PDZRN4: variants seen among roughly 807,000 people sequenced by gnomAD.
PDZRN4 encodes PDZ domain-containing RING finger protein 4.
PDZRN4 carries 70 observed loss-of-function variants against 99.0 expected under a neutral mutation model. The observed-to-expected ratio is 0.71, with a 90% CI of 0.58 to 0.86. The LOEUF (loss-of-function observed/expected upper bound fraction) is 0.86. PDZRN4 is among the 40% of genes least tolerant of loss of function. The probability of loss-of-function intolerance (pLI) is 0.00; values close to 1 mark genes in which losing one functional copy is unlikely to be tolerated. For synonymous variants in PDZRN4, 551 were observed against 501.6 expected, an observed-to-expected ratio of 1.10 and a Z score of -1.32; for missense variants, 1,474 against 1,331.2, an observed-to-expected ratio of 1.11 and a Z score of -1.67.
At chr12:41,502,328 TAC>T (rs1205575924) in intron 3 of PDZRN4, among the ~76,000 whole-genome samples, 1 of 152,142 alleles carries the variant, frequency 6.6e-6, no homozygotes, top group Non-Finnish European at 1.5e-5. Context: ...TTATTGCATA[TAC>T]TACTCCTGTT....
At chr12:41,322,521 C>T (rs1270574856) in intron 3 of PDZRN4, among the ~76,000 whole-genome samples, 2 of 104,876 alleles carry the variant, frequency 1.9e-5, no homozygotes, top group Non-Finnish European at 3.5e-5. Context: ...GACAGAGTCT[C>T]ACTCTGTCAC....
rs1368570935 is a variant in PDZRN4, at chr12:41,254,824, G to A, written c.843+60636G>A. 2.0e-5 allele frequency among the ~76,000 whole-genome samples: 3 copies of A among 152,210 alleles called. No individual in the cohort carries two copies. The East Asian group carries it at 5.8e-4, about 29-fold the overall frequency. ...GAGGTTGCTCTGGCCAGGCACAGTA[G>A]CTCATGCCTGTAATTCCAACATTTT... On this transcript the variant is annotated intron_variant, in intron 3 of 9. Transcript: ENST00000402685.
chr12:41,292,379 G>A (rs1592000069), intron 3 of PDZRN4, among the ~76,000 whole-genome samples: 1 of 152,160 alleles, frequency 6.6e-6, no homozygotes, highest in East Asian at 1.9e-4. Context: ...TGTGCAGGAA[G>A]TGCAGACCAA....
intron 3 of PDZRN4, among the ~76,000 whole-genome samples, chr12:41,361,923 G>A (rs916074514): frequency 6.6e-5 from 10 of 152,038 alleles, no homozygotes; most frequent in South Asian, 2.1e-4. Context: ...GGGCTGACTC[G>A]CGTCGCACCA....
chr12:41,376,122 A>G (rs1783797457), intron 3 of PDZRN4, among the ~76,000 whole-genome samples: 1 of 152,112 alleles, frequency 6.6e-6, no homozygotes, highest in East Asian at 1.9e-4. Context: ...GTGTGTATGT[A>G]TGTCTGTGTA....
At chr12:41,392,296 A>T (rs1027242212) in intron 3 of PDZRN4, among the ~76,000 whole-genome samples, 4 of 152,136 alleles carry the variant, frequency 2.6e-5, no homozygotes, top group African/African-American at 9.7e-5. Flanking sequence ...ACTGGGACTC[A>T]GTGTACATAC....
chr12:41,213,914 T>C (rs943298476), intron 3 of PDZRN4, among the ~76,000 whole-genome samples: 3 of 152,016 alleles, frequency 2.0e-5, no homozygotes, highest in African/African-American at 7.2e-5. Context: ...CTCTATGTCC[T>C]AATCCCTAAA....
At chr12:41,425,264 T>G (rs1952525687) in intron 3 of PDZRN4, among the ~76,000 whole-genome samples, 1 of 151,538 alleles carries the variant, frequency 6.6e-6, no homozygotes, top group African/African-American at 2.4e-5. Flanking sequence ...AAAATAAAGT[T>G]AACTTTCTAA....
At chr12:41,291,547 C>T (rs1035465179) in intron 3 of PDZRN4, among the ~76,000 whole-genome samples, 1 of 152,112 alleles carries the variant, frequency 6.6e-6, no homozygotes, top group Non-Finnish European at 1.5e-5. Flanking sequence ...TCTTTATTTA[C>T]ATGTCATAAA....
intron 2 of PDZRN4, 127 bp downstream of exon 2, chr12:41,191,671 G>A: frequency 2.0e-6 from 1 of 507,736 alleles, no homozygotes; most frequent in Non-Finnish European, 3.4e-6. Flanking sequence ...AAAACAAGTG[G>A]TTTAATCTTT....
At chr12:41,270,088 T>C (rs912111561) in intron 3 of PDZRN4, among the ~76,000 whole-genome samples, 2 of 152,200 alleles carry the variant, frequency 1.3e-5, no homozygotes, top group Admixed American at 6.5e-5. Context: ...TTGACTTTAA[T>C]TTCACGTTTG....
chr12:41,525,684 G>A (rs1232680694), intron 5 of PDZRN4, among the ~76,000 whole-genome samples: 2 of 151,916 alleles, frequency 1.3e-5, no homozygotes, highest in African/African-American at 2.4e-5. Flanking sequence ...ACCTATAGTA[G>A]AGAATATTTA....
chr12:41,214,654 A>G (rs1272282769), intron 3 of PDZRN4, among the ~76,000 whole-genome samples: 1 of 151,944 alleles, frequency 6.6e-6, no homozygotes, highest in Non-Finnish European at 1.5e-5. Flanking sequence ...AATTACAACT[A>G]CATTTATGAA....
intron 3 of PDZRN4, among the ~76,000 whole-genome samples, chr12:41,417,659 G>A (rs1254332479): frequency 6.6e-6 from 1 of 152,144 alleles, no homozygotes; most frequent in Non-Finnish European, 1.5e-5. Context: ...ATAGAGAGGA[G>A]GCACTTGATT....
chr12:41,511,683 A>T (rs770264474), intron 5 of PDZRN4, among the ~76,000 whole-genome samples: 5 of 152,160 alleles, frequency 3.3e-5, no homozygotes, highest in African/African-American at 4.8e-5. Context: ...GATTCAAGAG[A>T]GAATAATGGT....
At chr12:41,541,065 C>G (rs894055509) in intron 5 of PDZRN4, among the ~76,000 whole-genome samples, 1 of 152,032 alleles carries the variant, frequency 6.6e-6, no homozygotes, top group Admixed American at 6.6e-5. Flanking sequence ...GCTGGGACTA[C>G]AGGCACCCAC....
intron 3 of PDZRN4, among the ~76,000 whole-genome samples, chr12:41,493,487 G>A (rs551878248): frequency 2.0e-5 from 3 of 152,254 alleles, no homozygotes; most frequent in African/African-American, 7.2e-5. Flanking sequence ...ATTTGGTGGA[G>A]ATGCATCCAC....
intron 5 of PDZRN4, among the ~76,000 whole-genome samples, chr12:41,545,135 A>G (rs746602689): frequency 2.0e-5 from 3 of 152,174 alleles, no homozygotes; most frequent in Admixed American, 6.5e-5. Context: ...TATTTCTTTT[A>G]TAATAGCCCC....
At chr12:41,481,450 C>T (rs980811259) in intron 3 of PDZRN4, among the ~76,000 whole-genome samples, 19 of 152,098 alleles carry the variant, frequency 1.2e-4, no homozygotes, top group African/African-American at 4.3e-4. Context: ...CATTTAAACC[C>T]CCACAATCTG....
Sources: gnomAD v4.1 joint callset for allele counts (sites outside exome capture counted in the v4.1 genomes callset) on GRCh38, gnomAD v4.1.1 for gene constraint, MANE v1.5 for transcripts, NCBI Gene and HGNC (gene_info 2026-07-23, HGNC 2026-07-21) for gene names.